Variants in GALNTL6 observed in about 807,000 individuals in gnomAD.
The protein encoded by GALNTL6 is polypeptide N-acetylgalactosaminyltransferase like 6.
In GALNTL6, 46 loss-of-function variants were observed where a neutral mutation model predicts 73.7. That is an observed-to-expected ratio of 0.62 (90% CI 0.49 to 0.80). The LOEUF (loss-of-function observed/expected upper bound fraction) is 0.80. GALNTL6 is among the 30% of genes least tolerant of loss of function. The probability of loss-of-function intolerance (pLI) is 0.00; values close to 1 mark genes in which losing one functional copy is unlikely to be tolerated. For synonymous variants in GALNTL6, 259 were observed against 263.7 expected (o/e 0.98, Z 0.17); for missense variants, 604 against 755.0 (o/e 0.80, Z 2.34).
chr4:172,716,988 GT>G (rs1322482801), intron 5 of GALNTL6, among the ~76,000 whole-genome samples: 3 of 152,130 alleles, frequency 2.0e-5, no homozygotes, highest in African/African-American at 4.8e-5. Flanking sequence ...CAGAATCATA[GT>G]TTTAAGTCAG....
chr4:172,587,135 G>A (rs1341749752), intron 5 of GALNTL6, among the ~76,000 whole-genome samples: 2 of 115,718 alleles, frequency 1.7e-5, no homozygotes, highest in Non-Finnish European at 2.1e-5. Context: ...AGAAAATTGT[G>A]TAGAAAAAAT....
chr4:172,051,626 C>T (rs906806321), intron 2 of GALNTL6, among the ~76,000 whole-genome samples: 2 of 152,090 alleles, frequency 1.3e-5, no homozygotes, highest in Admixed American at 6.6e-5. Context: ...CACTGTTCTG[C>T]CATTTTTCTT....
At chr4:172,045,977 T>A (rs145824472) in intron 2 of GALNTL6, among the ~76,000 whole-genome samples, 2 of 152,188 alleles carry the variant, frequency 1.3e-5, no homozygotes, top group Non-Finnish European at 2.9e-5. Flanking sequence ...CTTATCTCAT[T>A]TAGTATAATG....
At chr4:172,960,882 G>A (rs968243117) in intron 10 of GALNTL6, among the ~76,000 whole-genome samples, 1 of 152,038 alleles carries the variant, frequency 6.6e-6, no homozygotes, top group Non-Finnish European at 1.5e-5. Context: ...AGGGTGGAAG[G>A]CTGCCCATAG....
intron 5 of GALNTL6, among the ~76,000 whole-genome samples, chr4:172,533,203 G>C (rs35765504): frequency 6.6e-6 from 1 of 151,254 alleles, no homozygotes; most frequent in Admixed American, 6.6e-5. Context: ...AGTAGAGATG[G>C]GGTTTTACCA....
At chr4:172,242,081 C>T (rs1005081913) in intron 3 of GALNTL6, among the ~76,000 whole-genome samples, 12 of 151,774 alleles carry the variant, frequency 7.9e-5, no homozygotes, top group African/African-American at 2.4e-4. Context: ...GCTATCTAGT[C>T]GACATTTCTC....
chr4:172,223,896 G>A (rs1459765115), intron 2 of GALNTL6, among the ~76,000 whole-genome samples: 3 of 151,946 alleles, frequency 2.0e-5, no homozygotes, highest in Admixed American at 6.6e-5. Context: ...TTAGTTTTTT[G>A]ATAGTGTTCC....
At chr4:172,380,078 T>C (rs1743223888) in intron 5 of GALNTL6, 6 of 971,322 alleles carry the variant, frequency 6.2e-6, no homozygotes, top group Non-Finnish European at 1.0e-5. Context: ...GCTGTTTATA[T>C]GGCTTGGGCT....
chr4:172,755,941 T>C (rs1051637396), intron 5 of GALNTL6, among the ~76,000 whole-genome samples: 7 of 152,322 alleles, frequency 4.6e-5, no homozygotes, highest in Admixed American at 1.3e-4. Flanking sequence ...TGATGAGAGA[T>C]ACAGCATATA....
chr4:172,466,136 A>G (rs1188544029), intron 5 of GALNTL6, among the ~76,000 whole-genome samples: 1 of 152,194 alleles, frequency 6.6e-6, no homozygotes, highest in African/African-American at 2.4e-5. Flanking sequence ...CTTTTCCTTT[A>G]GTAGCTTCAG....
intron 5 of GALNTL6, among the ~76,000 whole-genome samples, chr4:172,670,648 A>C (rs1382344319): frequency 2.6e-5 from 4 of 152,148 alleles, no homozygotes; most frequent in African/African-American, 9.7e-5. Context: ...AAAGCACTTT[A>C]GTTTAACTAG....
intron 3 of GALNTL6, among the ~76,000 whole-genome samples, chr4:172,290,296 C>A (rs372637556): frequency 3.3e-5 from 5 of 151,982 alleles, no homozygotes. Context: ...AGTATGAGAC[C>A]GAACCATATT....
At chr4:172,374,653 G>A (rs77132662) in intron 5 of GALNTL6, among the ~76,000 whole-genome samples, 19,786 of 152,162 alleles carry the variant, frequency 0.13, 1,290 homozygotes, top group East Asian at 0.17. Flanking sequence ...GATCTGAGTC[G>A]AGGTCTTAGT....
At chr4:172,188,570 A>T (rs1735482338) in intron 2 of GALNTL6, among the ~76,000 whole-genome samples, 1 of 152,230 alleles carries the variant, frequency 6.6e-6, no homozygotes, top group South Asian at 2.1e-4. Flanking sequence ...GCTAACAGAA[A>T]ACATAAATAA....
intron 2 of GALNTL6, among the ~76,000 whole-genome samples, chr4:171,879,512 C>T (rs1488785823): frequency 4.6e-5 from 7 of 151,948 alleles, no homozygotes; most frequent in Non-Finnish European, 1.0e-4. Flanking sequence ...ATATATCGAT[C>T]ACAATATAAA....
chr4:172,310,132 G>A (rs1009933862), intron 3 of GALNTL6, among the ~76,000 whole-genome samples: 10 of 152,090 alleles, frequency 6.6e-5, no homozygotes, highest in African/African-American at 2.2e-4. Context: ...ATATTAAAAG[G>A]GGTTACTAAT....
chr4:172,091,288 T>G (rs1732196514), intron 2 of GALNTL6, among the ~76,000 whole-genome samples: 1 of 152,196 alleles, frequency 6.6e-6, no homozygotes, highest in South Asian at 2.1e-4. Context: ...CTGGAACTTG[T>G]TCATCAGGAA....
At chr4:172,503,724 C>CA (rs544923215) in intron 5 of GALNTL6, among the ~76,000 whole-genome samples, 18 of 143,076 alleles carry the variant, frequency 1.3e-4, no homozygotes, top group Non-Finnish European at 1.7e-4. Flanking sequence ...TACATTTAAC[C>CA]AAAAAAAAAA....
intron 5 of GALNTL6, among the ~76,000 whole-genome samples, chr4:172,789,027 G>A (rs559697325): frequency 3.9e-5 from 6 of 152,208 alleles, no homozygotes; most frequent in Non-Finnish European, 5.9e-5. Context: ...CATCTGTGAC[G>A]AAATGTGGGG....
Sources: gnomAD v4.1 joint callset for allele counts (sites outside exome capture counted in the v4.1 genomes callset) on GRCh38, gnomAD v4.1.1 for gene constraint, MANE v1.5 for transcripts, NCBI Gene and HGNC (gene_info 2026-07-23, HGNC 2026-07-21) for gene names.